THSD7A: variants seen among roughly 807,000 people sequenced by gnomAD.
THSD7A encodes thrombospondin type-1 domain-containing protein 7A.
A neutral mutation model predicts 231.3 loss-of-function variants in THSD7A; 96 were observed. The observed-to-expected ratio is 0.41, with a 90% CI of 0.35 to 0.49. The LOEUF (loss-of-function observed/expected upper bound fraction) is 0.49. Ranked by LOEUF, THSD7A falls within the 20% of genes least tolerant of loss-of-function variation. The pLI, the probability that THSD7A is intolerant of heterozygous loss-of-function variation, is 0.05. For missense variants in THSD7A, 2,290 were observed against 2,070.2 expected, an observed-to-expected ratio of 1.11 and a Z score of -2.06; for synonymous variants, 940 against 743.3, an observed-to-expected ratio of 1.26 and a Z score of -4.30.
intron 2 of THSD7A, among the ~76,000 whole-genome samples, chr7:11,608,160 G>A (rs1780798428): frequency 6.6e-6 from 1 of 152,118 alleles, no homozygotes; most frequent in South Asian, 2.1e-4. Flanking sequence ...TTATGAGACT[G>A]AGTAAATACT....
chr7:11,740,782 T>G (rs1304285050), intron 1 of THSD7A, among the ~76,000 whole-genome samples: 1 of 152,014 alleles, frequency 6.6e-6, no homozygotes, highest in Non-Finnish European at 1.5e-5. Context: ...TGTGTGCATT[T>G]GTTTCCTTCA....
At chr7:11,727,590 C>T (rs1484932335) in intron 1 of THSD7A, among the ~76,000 whole-genome samples, 2 of 151,834 alleles carry the variant, frequency 1.3e-5, no homozygotes, top group African/African-American at 4.8e-5. Context: ...CAACTTTGGA[C>T]AATGAGTAGA....
At chr7:11,747,319 C>A (rs1782343135) in intron 1 of THSD7A, among the ~76,000 whole-genome samples, 1 of 151,914 alleles carries the variant, frequency 6.6e-6, no homozygotes, top group African/African-American at 2.4e-5. Context: ...AAGAGGTGCA[C>A]TTGGCCTGCT....
intron 2 of THSD7A, among the ~76,000 whole-genome samples, chr7:11,605,775 C>T (rs970861215): frequency 6.6e-6 from 1 of 152,084 alleles, no homozygotes; most frequent in Non-Finnish European, 1.5e-5. Flanking sequence ...AGAGCAACTT[C>T]CAGCCCTCAG....
chr7:11,459,927 G>A, intron 11 of THSD7A, among the ~76,000 whole-genome samples: 1 of 152,128 alleles, frequency 6.6e-6, no homozygotes, highest in African/African-American at 2.4e-5. Flanking sequence ...ATACGCAGCA[G>A]GAGCTGTATG....
rs1782038192 is a variant in THSD7A, at chr7:11,371,158, TTA to T, written c.*4634_*4635del. On this transcript the variant is annotated 3_prime_UTR_variant, in exon 28 of 28. Transcript: ENST00000423059. ...AAAATGCAAAATTAACTGTTTAGCA[TTA>T]GTTTCATTCATTTAATAATGTAGAC... 1 of 152,178 alleles carries T rather than the reference TTA, an allele frequency of 6.6e-6. No individual in the cohort carries two copies. Among genetic ancestry groups the T allele is most frequent in the African/African-American group, 2.4e-5 (1 of 41,452 alleles). The allele number at this position is 152,178 out of a possible 1,614,324, so 9.4% of individuals were successfully genotyped here.
chr7:11,736,402 A>G (rs1781912782), intron 1 of THSD7A, among the ~76,000 whole-genome samples: 1 of 151,932 alleles, frequency 6.6e-6, no homozygotes, highest in Non-Finnish European at 1.5e-5. Context: ...TTGAGGCTAC[A>G]GTGAGCCATG....
At chr7:11,705,716 G>A (rs1048790807) in intron 1 of THSD7A, among the ~76,000 whole-genome samples, 1 of 150,922 alleles carries the variant, frequency 6.6e-6, no homozygotes, top group African/African-American at 2.4e-5. Flanking sequence ...TTTAGCAGGG[G>A]AAAATGTTTT....
intron 1 of THSD7A, among the ~76,000 whole-genome samples, chr7:11,825,749 G>C (rs933459761): frequency 6.6e-6 from 1 of 152,112 alleles, no homozygotes; most frequent in Non-Finnish European, 1.5e-5. Flanking sequence ...TAACTTTTTA[G>C]GAAACATGAA....
intron 1 of THSD7A, among the ~76,000 whole-genome samples, chr7:11,816,679 T>C (rs1319513643): frequency 1.3e-5 from 2 of 152,142 alleles, no homozygotes; most frequent in African/African-American, 4.8e-5. Context: ...AACATAAGCT[T>C]GGCACAAAAC....
intron 6 of THSD7A, among the ~76,000 whole-genome samples, chr7:11,527,140 G>C (rs192849317): frequency 6.6e-6 from 1 of 152,216 alleles, no homozygotes. Flanking sequence ...GTATCCTAGA[G>C]AAGTCAAGAC....
In THSD7A at chr7:11,815,234, G is replaced by A. The variant is rs73043362; in HGVS notation, c.190+16523C>T. Among the ~76,000 whole-genome samples the A allele has an allele frequency of 2.0e-3, 307 of 151,782 alleles. 2 individuals are homozygous for A. Among genetic ancestry groups the A allele is most frequent in the African/African-American group, 6.7e-3 (276 of 41,362 alleles). On this transcript the variant is annotated intron_variant, in intron 1 of 27. Coordinates refer to ENST00000423059, the MANE Select transcript of THSD7A (RefSeq NM_015204.3). ...CCACTAGATGTTGCAGTCAGCCAAC[G>A]GTATTGTCCTTTATGAGATTTTTTT...
intron 6 of THSD7A, among the ~76,000 whole-genome samples, chr7:11,497,534 T>C (rs997410687): frequency 6.6e-6 from 1 of 151,078 alleles, no homozygotes; most frequent in African/African-American, 2.4e-5. Flanking sequence ...TTCAAAGATA[T>C]GGAAAACACT....
intron 1 of THSD7A, among the ~76,000 whole-genome samples, chr7:11,652,129 T>C (rs533641725): frequency 6.6e-6 from 1 of 151,916 alleles, no homozygotes; most frequent in Non-Finnish European, 1.5e-5. Flanking sequence ...AAATTATTTA[T>C]AGATACATAT....
intron 9 of THSD7A, among the ~76,000 whole-genome samples, chr7:11,463,064 AT>A (rs1785565756): frequency 6.6e-6 from 1 of 152,168 alleles, no homozygotes; most frequent in South Asian, 2.1e-4. Context: ...CATTTTCATT[AT>A]TTTGCAAGAT....
At chr7:11,583,129 A>G (rs1342659269) in intron 4 of THSD7A, among the ~76,000 whole-genome samples, 2 of 151,890 alleles carry the variant, frequency 1.3e-5, no homozygotes, top group Non-Finnish European at 2.9e-5. Context: ...CAAACTACCC[A>G]TTTATTTATT....
chr7:11,819,862 T>C (rs1784816463), intron 1 of THSD7A, among the ~76,000 whole-genome samples: 1 of 152,182 alleles, frequency 6.6e-6, no homozygotes, highest in African/African-American at 2.4e-5. Flanking sequence ...TCGTAACAAA[T>C]GTACCACACT....
intron 4 of THSD7A, among the ~76,000 whole-genome samples, chr7:11,556,494 T>A (rs746777798): frequency 6.6e-6 from 1 of 151,910 alleles, no homozygotes; most frequent in African/African-American, 2.4e-5. Flanking sequence ...TTGTTTCAAC[T>A]GTCAAATATA....
At chr7:11,828,540 T>C (rs1395919628) in intron 1 of THSD7A, among the ~76,000 whole-genome samples, 1 of 152,170 alleles carries the variant, frequency 6.6e-6, no homozygotes, top group Non-Finnish European at 1.5e-5. Context: ...GTACTTATAG[T>C]GTTGTTTAAT....
Sources: gnomAD v4.1 joint callset for allele counts (sites outside exome capture counted in the v4.1 genomes callset) on GRCh38, gnomAD v4.1.1 for gene constraint, MANE v1.5 for transcripts, NCBI Gene and HGNC (gene_info 2026-07-23, HGNC 2026-07-21) for gene names.